Variants in ATXN1 observed in about 807,000 individuals in gnomAD.
ATXN1 encodes the protein ataxin-1.
A neutral mutation model predicts 56.4 loss-of-function variants in ATXN1; 8 were observed. The ratio of observed to expected loss-of-function variants is 0.14; its 90% CI spans 0.08 to 0.26. ATXN1 has a LOEUF of 0.26. ATXN1 is among the 10% of genes least tolerant of loss of function. ATXN1 has a pLI of 1.00. For synonymous variants in ATXN1, 514 were observed against 494.6 expected, an observed-to-expected ratio of 1.04 and a Z score of -0.52; for missense variants, 987 against 1,106.5, an observed-to-expected ratio of 0.89 and a Z score of 1.53.
At chr6:16,596,866 T>G (rs1322784950) in intron 3 of ATXN1, among the ~76,000 whole-genome samples, 1 of 152,186 alleles carries the variant, frequency 6.6e-6, no homozygotes, top group Non-Finnish European at 1.5e-5. Flanking sequence ...CAGCATTTAC[T>G]ATAAGATCTT....
At chr6:16,352,895 C>T (rs555499218) in intron 6 of ATXN1, among the ~76,000 whole-genome samples, 88 of 152,194 alleles carry the variant, frequency 5.8e-4, no homozygotes, top group Admixed American at 4.0e-3. Context: ...TCACTAAGTG[C>T]TTTGGGACCA....
intron 6 of ATXN1, among the ~76,000 whole-genome samples, chr6:16,430,721 G>A (rs1182845892): frequency 1.4e-5 from 2 of 147,676 alleles, no homozygotes; most frequent in Non-Finnish European, 3.0e-5. Flanking sequence ...GTGTGTGTGT[G>A]TGCGCGTGTG....
chr6:16,695,130 T>C (rs1399676863), intron 2 of ATXN1, among the ~76,000 whole-genome samples: 1 of 152,202 alleles, frequency 6.6e-6, no homozygotes, highest in Non-Finnish European at 1.5e-5. Context: ...ATGGAGACTA[T>C]GATGGGCATG....
chr6:16,718,291 A>C (rs1759678537), intron 2 of ATXN1, among the ~76,000 whole-genome samples: 1 of 152,250 alleles, frequency 6.6e-6, no homozygotes, highest in African/African-American at 2.4e-5. Flanking sequence ...GGGCAAAATG[A>C]AAGAGCATTC....
At chr6:16,466,940 G>A (rs1760120752) in intron 6 of ATXN1, among the ~76,000 whole-genome samples, 1 of 152,206 alleles carries the variant, frequency 6.6e-6, no homozygotes, top group Non-Finnish European at 1.5e-5. Context: ...CTTCCTCGCT[G>A]AGGGTAGAAT....
intron 6 of ATXN1, among the ~76,000 whole-genome samples, chr6:16,356,526 C>A (rs1426545065): frequency 6.6e-6 from 1 of 151,988 alleles, no homozygotes; most frequent in Non-Finnish European, 1.5e-5. Context: ...TAGTATTTTC[C>A]CCACAGTGTT....
At chr6:16,746,371 C>T (rs773029175) in intron 2 of ATXN1, among the ~76,000 whole-genome samples, 8 of 152,226 alleles carry the variant, frequency 5.3e-5, no homozygotes, top group Admixed American at 2.0e-4. Context: ...CAATGCTGCA[C>T]ACACTAATTG....
chr6:16,314,438 C>T (rs1024508788), intron 7 of ATXN1, among the ~76,000 whole-genome samples: 1 of 152,170 alleles, frequency 6.6e-6, no homozygotes, highest in African/African-American at 2.4e-5. Context: ...GAGGAGCCTT[C>T]TCCATCTCAA....
chr6:16,687,937 T>A (rs1758955296), intron 2 of ATXN1, among the ~76,000 whole-genome samples: 1 of 152,178 alleles, frequency 6.6e-6, no homozygotes, highest in Non-Finnish European at 1.5e-5. Context: ...GAAACTATAC[T>A]TTCATTGGCC....
chr6:16,722,469 A>T (rs1056096202), intron 2 of ATXN1, among the ~76,000 whole-genome samples: 2 of 152,220 alleles, frequency 1.3e-5, no homozygotes, highest in Non-Finnish European at 2.9e-5. Context: ...AGTGCTCACT[A>T]ATAATAGTCT....
intron 5 of ATXN1, among the ~76,000 whole-genome samples, chr6:16,507,326 T>C (rs1031907478): frequency 6.6e-6 from 1 of 152,196 alleles, no homozygotes; most frequent in South Asian, 2.1e-4. Flanking sequence ...GATAAATAGA[T>C]GGGTAAGTGG....
At position 16,502,808 on chromosome 6, in the gene ATXN1, T is replaced by C. The variant is rs377610355; in HGVS notation, c.-298-16699A>G. On this transcript the variant is annotated intron_variant, in intron 5 of 7. Coordinates refer to ENST00000436367, the MANE Select transcript of ATXN1 (RefSeq NM_001128164.2). The stretch of plus-strand genomic sequence containing the variant: ...TTTCTACAAATTCCTTTTGAGTTAC[T>C]GGGCAACATTCTATTTAAGTGGACC... Among the ~76,000 whole-genome samples the C allele has an allele frequency of 9.8e-5, 15 of 152,354 alleles. 1 individual carries two copies. Among genetic ancestry groups the C allele is most frequent in the East Asian group, 9.6e-4 (5 of 5,194 alleles).
intron 5 of ATXN1, among the ~76,000 whole-genome samples, chr6:16,499,913 A>G (rs1760851168): frequency 6.6e-6 from 1 of 152,170 alleles, no homozygotes; most frequent in Non-Finnish European, 1.5e-5. Flanking sequence ...GAGATTTAGA[A>G]AGTACTAATG....
chr6:16,545,888 T>C (rs1480807805), intron 4 of ATXN1, among the ~76,000 whole-genome samples: 1 of 152,268 alleles, frequency 6.6e-6, no homozygotes, highest in Non-Finnish European at 1.5e-5. Context: ...TTTTCTACAA[T>C]TCAAACTGGT....
chr6:16,376,829 C>A (rs1762150017), intron 6 of ATXN1, among the ~76,000 whole-genome samples: 1 of 152,160 alleles, frequency 6.6e-6, no homozygotes, highest in African/African-American at 2.4e-5. Flanking sequence ...AAAAAACAGT[C>A]TTTAGAATTG....
chr6:16,652,120 T>C (rs1455564174), intron 3 of ATXN1: 1 of 152,234 alleles, frequency 6.6e-6, no homozygotes, highest in Non-Finnish European at 1.5e-5. Flanking sequence ...CATTAGCCTG[T>C]GATAGCATCA....
chr6:16,713,456 G>A (rs1417905778), intron 2 of ATXN1, among the ~76,000 whole-genome samples: 1 of 152,114 alleles, frequency 6.6e-6, no homozygotes, highest in Non-Finnish European at 1.5e-5. Context: ...ATATCATTTG[G>A]GCTACTTGTG....
chr6:16,549,826 G>A (rs73368732), intron 4 of ATXN1, among the ~76,000 whole-genome samples: 1,488 of 142,172 alleles, frequency 0.01, 26 homozygotes, highest in African/African-American at 0.037. Context: ...GAACTCAGGA[G>A]CAAAGATTGT....
chr6:16,487,996 G>C (rs562175467), intron 5 of ATXN1, among the ~76,000 whole-genome samples: 7 of 152,216 alleles, frequency 4.6e-5, no homozygotes, highest in African/African-American at 7.2e-5. Context: ...CATTTCAACT[G>C]AGTCTCCTTG....
Sources: gnomAD v4.1 joint callset for allele counts (sites outside exome capture counted in the v4.1 genomes callset) on GRCh38, gnomAD v4.1.1 for gene constraint, MANE v1.5 for transcripts, NCBI Gene and HGNC (gene_info 2026-07-23, HGNC 2026-07-21) for gene names.